The following TMC1 variants were observed in gnomAD, a reference collection of about 807,000 sequenced individuals.
TMC1 encodes transmembrane channel like 1.
In TMC1, 84 loss-of-function variants were observed where a neutral mutation model predicts 105.8. That is an observed-to-expected ratio of 0.79 (90% CI 0.67 to 0.95). The LOEUF (loss-of-function observed/expected upper bound fraction) is 0.95, where lower values mean the gene tolerates loss of function less well. Ranked by LOEUF, TMC1 falls within the 40% of genes least tolerant of loss-of-function variation. The pLI is 0.00. For synonymous variants in TMC1, 315 were observed against 311.5 expected (o/e 1.01, Z -0.12); for missense variants, 817 against 914.1 (o/e 0.89, Z 1.37).
At chr9:72,777,566 A>T (rs866453567) in intron 13 of TMC1, among the ~76,000 whole-genome samples, 7 of 152,216 alleles carry the variant, frequency 4.6e-5, no homozygotes, top group African/African-American at 1.7e-4. Flanking sequence ...ACTATAGTTG[A>T]CCTTATTTCA....
intron 13 of TMC1, among the ~76,000 whole-genome samples, chr9:72,788,006 T>G (rs908031523): frequency 4.6e-5 from 7 of 152,162 alleles, no homozygotes; most frequent in Non-Finnish European, 8.8e-5. Context: ...ATCGTATTCT[T>G]AAAGAAATTC....
intron 1 of TMC1, among the ~76,000 whole-genome samples, chr9:72,553,447 A>C (rs567926118): frequency 3.9e-5 from 6 of 152,304 alleles, no homozygotes; most frequent in African/African-American, 1.4e-4. Flanking sequence ...TTAAAAAGAG[A>C]CTGAATTATT....
chr9:72,530,233 T>C (rs1356182284), intron 1 of TMC1, among the ~76,000 whole-genome samples: 1 of 151,964 alleles, frequency 6.6e-6, no homozygotes, highest in Non-Finnish European at 1.5e-5. Flanking sequence ...GGCTGGAGTG[T>C]AGTGACGCGA....
At chr9:72,598,186 C>A (rs1443369576) in intron 2 of TMC1, among the ~76,000 whole-genome samples, 1 of 152,132 alleles carries the variant, frequency 6.6e-6, no homozygotes, top group Non-Finnish European at 1.5e-5. Flanking sequence ...CCCCACATAC[C>A]CTCAGAAATG....
At chr9:72,643,051 T>G (rs1378475815) in intron 4 of TMC1, among the ~76,000 whole-genome samples, 1 of 152,166 alleles carries the variant, frequency 6.6e-6, no homozygotes. Flanking sequence ...ATTCACGTTG[T>G]TATATGTATT....
At chr9:72,747,978 G>A (rs12351661) in intron 10 of TMC1, among the ~76,000 whole-genome samples, 38,518 of 151,988 alleles carry the variant, frequency 0.25, 5,225 homozygotes, top group East Asian at 0.38. Context: ...GGTCATTATG[G>A]GCATCAAATT....
At chr9:72,656,338 C>T (rs1825884464) in intron 5 of TMC1, 1 of 193,544 alleles carries the variant, frequency 5.2e-6, no homozygotes, top group South Asian at 1.1e-4. Flanking sequence ...ATCTTAATTT[C>T]CTTCTGTTTC....
chr9:72,825,318 A>G (rs1301094791), intron 20 of TMC1, among the ~76,000 whole-genome samples: 1 of 152,244 alleles, frequency 6.6e-6, no homozygotes, highest in Non-Finnish European at 1.5e-5. Flanking sequence ...CAGCAGGACT[A>G]TGGATAGACA....
At chr9:72,676,639 T>A (rs1171317966) in intron 5 of TMC1, among the ~76,000 whole-genome samples, 3 of 152,120 alleles carry the variant, frequency 2.0e-5, no homozygotes, top group Non-Finnish European at 4.4e-5. Context: ...AAACATAGGC[T>A]CATTCTCCTA....
intron 2 of TMC1, among the ~76,000 whole-genome samples, chr9:72,613,672 G>C (rs541836125): frequency 5.2e-4 from 79 of 152,208 alleles, no homozygotes; most frequent in Admixed American, 1.1e-3. Flanking sequence ...GAGTGTGGGT[G>C]GTGGGTGCTG....
chr9:72,605,526 T>G (rs1824897547), intron 2 of TMC1, among the ~76,000 whole-genome samples: 1 of 152,120 alleles, frequency 6.6e-6, no homozygotes, highest in Non-Finnish European at 1.5e-5. Context: ...GCACATGCAC[T>G]TCTGTGTCTC....
At chr9:72,765,898 G>A (rs984177697) in intron 12 of TMC1, among the ~76,000 whole-genome samples, 1 of 152,128 alleles carries the variant, frequency 6.6e-6, no homozygotes, top group African/African-American at 2.4e-5. Flanking sequence ...AAAGGCAAAT[G>A]GAAGTACTTT....
At chr9:72,660,758 T>C (rs1461590449) in intron 5 of TMC1, among the ~76,000 whole-genome samples, 2 of 152,176 alleles carry the variant, frequency 1.3e-5, no homozygotes, top group East Asian at 3.9e-4. Context: ...TATCCCAAGT[T>C]TGTATCCTCC....
chr9:72,636,707 C>CAAAAAAAAAAAAAAAA (rs59553107), intron 4 of TMC1, among the ~76,000 whole-genome samples: 1 of 83,224 alleles, frequency 1.2e-5, no homozygotes, highest in Non-Finnish European at 2.3e-5. Flanking sequence ...GACTCCATCT[C>CAAAAAAAAAAAAAAAA]AAAAAAAAAA....
chr9:72,820,850 CCTT>C lies in TMC1; in HGVS notation c.1776_1778del (p.Phe593del). On this transcript the variant is annotated inframe_deletion, in exon 20 of 24. Coordinates refer to ENST00000297784, the MANE Select transcript of TMC1 (RefSeq NM_138691.3). ...TTCTGTTTTCTTTCTAGGATGGGCT[CCTT>C]CTTTGCTCCCAGCCTCCCAGGCATC... 6.2e-7 allele frequency: 1 copy of C among 1,614,142 alleles called. No homozygotes were observed. Among genetic ancestry groups the C allele is most frequent in the East Asian group, 2.2e-5 (1 of 44,878 alleles).
At chr9:72,797,519 A>T (rs1828391789) in intron 17 of TMC1, among the ~76,000 whole-genome samples, 1 of 152,202 alleles carries the variant, frequency 6.6e-6, no homozygotes, top group Non-Finnish European at 1.5e-5. Context: ...GCAAGAACAG[A>T]CACATAGACC....
rs573868110 is a variant in TMC1, at chr9:72,643,041, A to G, written c.-52-5556A>G. Among the ~76,000 whole-genome samples the G allele has an allele frequency of 9.9e-5, 15 of 152,276 alleles. 1 individual carries two copies. The East Asian group carries it at 2.9e-3, about 29-fold the overall frequency. On this transcript the variant is annotated intron_variant, in intron 4 of 23. Coordinates refer to ENST00000297784, the MANE Select transcript of TMC1 (RefSeq NM_138691.3). The stretch of plus-strand genomic sequence containing the variant: ...TCACTGAGCACAAATAATTTGACTT[A>G]TTCACGTTGTTATATGTATTTAGAT...
intron 1 of TMC1, among the ~76,000 whole-genome samples, chr9:72,523,539 GA>G (rs1159220720): frequency 6.6e-6 from 1 of 152,138 alleles, no homozygotes; most frequent in Non-Finnish European, 1.5e-5. Context: ...TTGTAAGGAA[GA>G]AAAAATATAT....
At chr9:72,614,870 G>A (rs10114500) in intron 2 of TMC1, among the ~76,000 whole-genome samples, 27,490 of 151,984 alleles carry the variant, frequency 0.18, 2,631 homozygotes, top group South Asian at 0.31. Flanking sequence ...AGTAGAGACA[G>A]GGTTTCATCA....
Sources: gnomAD v4.1 joint callset for allele counts (sites outside exome capture counted in the v4.1 genomes callset) on GRCh38, gnomAD v4.1.1 for gene constraint, MANE v1.5 for transcripts, NCBI Gene and HGNC (gene_info 2026-07-23, HGNC 2026-07-21) for gene names.